GGT1: variants seen among roughly 807,000 people sequenced by gnomAD.
GGT1 encodes glutathione hydrolase 1 proenzyme.
Under a neutral mutation model 56.0 loss-of-function variants are expected in GGT1, and 21 were observed. That is an observed-to-expected ratio of 0.38 (90% CI 0.27 to 0.54). GGT1 has a LOEUF of 0.54. Ranked by LOEUF, GGT1 falls within the 20% of genes least tolerant of loss-of-function variation. The probability of loss-of-function intolerance (pLI) is 0.82; values close to 1 mark genes in which losing one functional copy is unlikely to be tolerated. For synonymous variants in GGT1, 238 were observed against 342.6 expected (o/e 0.69, Z 3.37); for missense variants, 466 against 787.0 (o/e 0.59, Z 4.88).
At chr22:24,585,965 C>A in the GGT1 span, 1 of 1,609,800 alleles carries the variant, frequency 6.2e-7, no homozygotes, top group South Asian at 1.1e-5. Flanking sequence ...GGTGGTGGCC[C>A]CGGCCGCACT....
At chr22:24,586,760 A>G in the GGT1 span, among the ~76,000 whole-genome samples, 1 of 151,886 alleles carries the variant, frequency 6.6e-6, no homozygotes, top group Admixed American at 6.6e-5. Flanking sequence ...CGAACTCCTG[A>G]CCTCAGGTGA....
At chr22:24,605,917 TGTG>T (rs1461777018) in intron 1 of GGT1, among the ~76,000 whole-genome samples, 1 of 58,916 alleles carries the variant, frequency 1.7e-5, no homozygotes, top group Non-Finnish European at 3.0e-5. Flanking sequence ...TATTATATGA[TGTG>T]TATTATATAT....
chr22:24,593,049 G>C, upstream of GGT1: 1 of 1,041,382 alleles, frequency 9.6e-7, no homozygotes, highest in Admixed American at 5.5e-5. Context: ...TGGCCGCCGC[G>C]CGATGGTCGC....
the GGT1 span, chr22:24,588,424 G>A: frequency 1.0e-6 from 1 of 978,950 alleles, no homozygotes; most frequent in South Asian, 1.4e-5. Flanking sequence ...GTGTGTGTGT[G>A]AGCACAGTCA....
upstream of GGT1, among the ~76,000 whole-genome samples, chr22:24,594,176 C>G (rs1208767191): frequency 6.6e-6 from 1 of 152,196 alleles, no homozygotes; most frequent in Non-Finnish European, 1.5e-5. Context: ...GCCTAGGTCT[C>G]TGCTGCAGGC....
intron 4 of GGT1, among the ~76,000 whole-genome samples, chr22:24,610,772 G>C (rs1019101640): frequency 6.9e-6 from 1 of 145,792 alleles, no homozygotes; most frequent in Non-Finnish European, 1.5e-5. Flanking sequence ...TGCAGAAAGA[G>C]GGGTGTGGAA....
At chr22:24,598,361 A>G (rs1273669442), upstream of GGT1, among the ~76,000 whole-genome samples, 2 of 145,554 alleles carry the variant, frequency 1.4e-5, no homozygotes, top group African/African-American at 5.2e-5. Flanking sequence ...CATCGGTTGA[A>G]CCCGAGGGGT....
At chr22:24,585,864 A>G in the GGT1 span, 2 of 1,550,574 alleles carry the variant, frequency 1.3e-6, no homozygotes, top group East Asian at 2.4e-5. Context: ...AGTCAGTAGC[A>G]ATGAGCCAGG....
chr22:24,626,855 C>T (rs1490672706), intron 11 of GGT1, among the ~76,000 whole-genome samples: 1 of 151,076 alleles, frequency 6.6e-6, no homozygotes, highest in African/African-American at 2.5e-5. Flanking sequence ...TCTTCATCCT[C>T]TTCTCCCCAC....
intron 1 of GGT1, among the ~76,000 whole-genome samples, chr22:24,604,597 C>A (rs1307365665): frequency 6.6e-6 from 1 of 152,048 alleles, no homozygotes; most frequent in Non-Finnish European, 1.5e-5. Flanking sequence ...GAACTCACTA[C>A]CTTATGTGCC....
At chr22:24,607,799 A>AC in intron 1 of GGT1, 155 bp from the exon 2 acceptor site, 1 of 337,232 alleles carries the variant, frequency 3.0e-6, no homozygotes, top group South Asian at 2.3e-5. Flanking sequence ...GGAGGTGGCC[A>AC]CCCCCAGATC....
upstream of GGT1, among the ~76,000 whole-genome samples, chr22:24,591,753 T>G (rs927624664): frequency 6.6e-6 from 1 of 152,226 alleles, no homozygotes; most frequent in African/African-American, 2.4e-5. Context: ...TGCTCTGCTG[T>G]TTGCCACAGA....
Position 24,620,837 on chromosome 22 carries a change from T to C in GGT1, c.576-76T>C. The C allele has an allele frequency of 1.3e-6, 2 of 1,577,624 alleles. No homozygotes were observed. The highest frequency in any genetic ancestry group is 2.3e-5 in the South Asian group (2 of 85,626). ...CTGCCCCTGTTCTGCTCCGTTCTCC[T>C]GTGTGGACGGGTGTGAGGGGTGGTC... On this transcript the variant is annotated intron_variant, in intron 8 of 15. Coordinates refer to ENST00000400382, the MANE Select transcript of GGT1 (RefSeq NM_001288833.2). This position sits in a 1 kb window ranked among gnomAD's most constrained non-coding sequence, Gnocchi z 5.6.
rs1238281043 is a variant in GGT1 at position 24,624,052 on chromosome 22, G to T, written c.1020+136G>T. 12 of 1,517,596 alleles carry T rather than the reference G, an allele frequency of 7.9e-6. No homozygotes were observed. The East Asian group carries it at 3.0e-4, about 37-fold the overall frequency. 94.0% of individuals were successfully genotyped at this position (1,517,596 alleles called of 1,614,324 possible). A position where few individuals can be genotyped will look rare whatever the true frequency, so the allele number is the denominator to read the frequency against. ...CACAGACTTCGATTGCGGGCCTACT[G>T]TGTGCTCGGATGGACTCGTGGGTGA... On this transcript the variant is annotated intron_variant, in intron 11 of 15. Coordinates refer to ENST00000400382, the MANE Select transcript of GGT1 (RefSeq NM_001288833.2).
At chr22:24,591,649 A>G (rs570153417), upstream of GGT1, among the ~76,000 whole-genome samples, 4 of 152,330 alleles carry the variant, frequency 2.6e-5, no homozygotes. Context: ...CTTTCCCTCT[A>G]GTTTCCCAGC....
chr22:24,593,017 C>T (rs940611154), upstream of GGT1: 22 of 1,086,366 alleles, frequency 2.0e-5, no homozygotes, highest in African/African-American at 3.3e-5. Context: ...GGGCCCGGCC[C>T]GCCGGCCCAG....
At chr22:24,627,057 C>G in intron 11 of GGT1, 1 of 423,984 alleles carries the variant, frequency 2.4e-6, no homozygotes, top group South Asian at 2.2e-5. Context: ...TCAGCACTTT[C>G]CCTGTGTGTG....
intron 4 of GGT1, 125 bp from the exon 5 acceptor site, chr22:24,610,950 G>A (rs2046615696): frequency 3.8e-6 from 3 of 781,522 alleles, no homozygotes; most frequent in Non-Finnish European, 6.4e-6. Flanking sequence ...CACGTATTCT[G>A]GGAAGCGGGA....
At position 24,623,764 on chromosome 22, in the gene GGT1, G is replaced by C. The variant is rs1316369750; in HGVS notation, c.884-16G>C. The stretch of plus-strand genomic sequence containing the variant: ...CTCTGGGGCTCAGCAACATGCACCT[G>C]GCTCTGATCAACCAGGGTACAACTT... On this transcript the variant is annotated splice_polypyrimidine_tract_variant and intron_variant, in intron 10 of 15. Coordinates refer to ENST00000400382, the MANE Select transcript of GGT1 (RefSeq NM_001288833.2). 2.5e-6 allele frequency: 4 copies of C among 1,611,516 alleles called. No homozygotes were observed. Among genetic ancestry groups the C allele is most frequent in the Non-Finnish European group, 3.4e-6 (4 of 1,179,746 alleles).
Sources: allele counts gnomAD v4.1 joint callset (sites outside exome capture counted in the v4.1 genomes callset), GRCh38; gene constraint gnomAD v4.1.1; non-coding constraint Gnocchi (gnomAD v3.1); transcripts MANE v1.5; gene names NCBI Gene and HGNC (gene_info 2026-07-23, HGNC 2026-07-21).